CNTN4: variants seen among roughly 807,000 people sequenced by gnomAD.
CNTN4 encodes contactin-4.
In CNTN4, 77 loss-of-function variants were observed where a neutral mutation model predicts 122.5. That is an observed-to-expected ratio of 0.63 (90% confidence interval 0.52 to 0.76). CNTN4 has a LOEUF of 0.76. Ranked by LOEUF, CNTN4 falls within the 30% of genes least tolerant of loss-of-function variation. The pLI is 0.00. For missense variants in CNTN4, 1,256 were observed against 1,259.1 expected, an observed-to-expected ratio of 1.00 and a Z score of 0.04; for synonymous variants, 512 against 447.0, an observed-to-expected ratio of 1.15 and a Z score of -1.83.
chr3:2,510,242 A>C (rs376257723), intron 3 of CNTN4, among the ~76,000 whole-genome samples: 1 of 152,118 alleles, frequency 6.6e-6, no homozygotes, highest in Admixed American at 6.6e-5. Flanking sequence ...GTGAAGGTCT[A>C]TTTTCTAGAT....
intron 3 of CNTN4, among the ~76,000 whole-genome samples, chr3:2,416,693 G>T (rs576387083): frequency 6.6e-6 from 1 of 151,350 alleles, no homozygotes; most frequent in African/African-American, 2.4e-5. Flanking sequence ...TCTGTCTGTC[G>T]CCCAGGCTGG....
chr3:2,196,691 G>A (rs2037848338), intron 2 of CNTN4, among the ~76,000 whole-genome samples: 1 of 152,092 alleles, frequency 6.6e-6, no homozygotes, highest in African/African-American at 2.4e-5. Context: ...GGTGTGTTAT[G>A]TGTGAATCAC....
intron 10 of CNTN4, among the ~76,000 whole-genome samples, chr3:2,896,691 A>G (rs1435547374): frequency 6.6e-6 from 1 of 152,170 alleles, no homozygotes; most frequent in East Asian, 1.9e-4. Context: ...TGATTCTGTC[A>G]ATTGCATAAG....
chr3:2,783,111 T>C (rs373881801), intron 6 of CNTN4, among the ~76,000 whole-genome samples: 21 of 150,846 alleles, frequency 1.4e-4, no homozygotes, highest in African/African-American at 4.4e-4. Flanking sequence ...AGATTTTCTC[T>C]CTACTAATTT....
intron 4 of CNTN4, among the ~76,000 whole-genome samples, chr3:2,701,663 C>G (rs1223135384): frequency 3.3e-5 from 5 of 152,048 alleles, no homozygotes; most frequent in South Asian, 2.1e-4. Context: ...TTAGCCCCAC[C>G]CCATGTTTTA....
intron 2 of CNTN4, among the ~76,000 whole-genome samples, chr3:2,149,833 A>C (rs1308820048): frequency 6.6e-6 from 1 of 152,040 alleles, no homozygotes; most frequent in East Asian, 1.9e-4. Flanking sequence ...TGTGTAGTTG[A>C]CTTGTGTATT....
chr3:2,150,973 G>A (rs749588935), intron 2 of CNTN4, among the ~76,000 whole-genome samples: 2 of 150,532 alleles, frequency 1.3e-5, no homozygotes, highest in East Asian at 1.9e-4. Context: ...GGGAACTATC[G>A]TAAGTAAGTT....
At chr3:2,471,405 AG>A (rs1162180045) in intron 3 of CNTN4, among the ~76,000 whole-genome samples, 2 of 152,240 alleles carry the variant, frequency 1.3e-5, no homozygotes, top group African/African-American at 4.8e-5. Context: ...AATATGGTTA[AG>A]GGCTAGCCTT....
chr3:3,036,672 C>G (rs1363648046), intron 17 of CNTN4, among the ~76,000 whole-genome samples: 2 of 150,764 alleles, frequency 1.3e-5, no homozygotes, highest in Non-Finnish European at 2.9e-5. Flanking sequence ...GAGGCTGAGG[C>G]ACAAGAATTG....
intron 2 of CNTN4, among the ~76,000 whole-genome samples, chr3:2,211,934 C>T (rs1248957478): frequency 6.6e-6 from 1 of 152,142 alleles, no homozygotes; most frequent in African/African-American, 2.4e-5. Flanking sequence ...TAGCTCAGTA[C>T]AGATATTCTG....
At chr3:2,771,923 G>A (rs1439579072) in intron 6 of CNTN4, among the ~76,000 whole-genome samples, 1 of 152,170 alleles carries the variant, frequency 6.6e-6, no homozygotes, top group African/African-American at 2.4e-5. Flanking sequence ...GAGGCCAAGA[G>A]AGCTGGCAGG....
intron 13 of CNTN4, among the ~76,000 whole-genome samples, chr3:2,944,401 C>T (rs904804131): frequency 7.2e-5 from 11 of 152,074 alleles, no homozygotes; most frequent in Non-Finnish European, 5.9e-5. Context: ...GAACTGGCTC[C>T]TCCTCCATGT....
intron 10 of CNTN4, among the ~76,000 whole-genome samples, chr3:2,898,722 T>C (rs2094141182): frequency 6.6e-6 from 1 of 152,194 alleles, no homozygotes; most frequent in Admixed American, 6.5e-5. Flanking sequence ...CATTTGCCCT[T>C]CCATTTTTTT....
chr3:2,831,250 G>A (rs2150376465), intron 7 of CNTN4, among the ~76,000 whole-genome samples: 1 of 152,312 alleles, frequency 6.6e-6, no homozygotes, highest in South Asian at 2.1e-4. Context: ...TTAAGAGGAA[G>A]TGATTTACTG....
At chr3:2,203,562 A>G (rs1047862461) in intron 2 of CNTN4, among the ~76,000 whole-genome samples, 2 of 152,150 alleles carry the variant, frequency 1.3e-5, no homozygotes, top group African/African-American at 4.8e-5. Context: ...GTCATGGGCC[A>G]TGAGAAAGGC....
chr3:2,216,573 A>G (rs1219620605), intron 2 of CNTN4, among the ~76,000 whole-genome samples: 1 of 152,204 alleles, frequency 6.6e-6, no homozygotes, highest in Non-Finnish European at 1.5e-5. Context: ...ACAAACATGA[A>G]TCAACACCTA....
At chr3:2,415,459 G>A (rs2047377502) in intron 3 of CNTN4, among the ~76,000 whole-genome samples, 1 of 152,200 alleles carries the variant, frequency 6.6e-6, no homozygotes, top group Non-Finnish European at 1.5e-5. Context: ...TTAACCAGGT[G>A]TGGGCAATTG....
intron 2 of CNTN4, among the ~76,000 whole-genome samples, chr3:2,270,718 G>A (rs1472434347): frequency 8.1e-6 from 1 of 123,708 alleles, no homozygotes; most frequent in Non-Finnish European, 2.0e-5. Flanking sequence ...CTGAAGGCTA[G>A]TGTGACAGAA....
intron 14 of CNTN4, among the ~76,000 whole-genome samples, chr3:3,002,725 G>C (rs1696176272): frequency 6.6e-6 from 1 of 152,094 alleles, no homozygotes; most frequent in African/African-American, 2.4e-5. Context: ...TTGGAATAAA[G>C]CATTAAAACA....
Sources: allele counts gnomAD v4.1 joint callset (sites outside exome capture counted in the v4.1 genomes callset), GRCh38; gene constraint gnomAD v4.1.1; transcripts MANE v1.5; gene names NCBI Gene and HGNC (gene_info 2026-07-23, HGNC 2026-07-21).